Variants in SF3B1 observed in about 807,000 individuals in gnomAD.
The protein encoded by SF3B1 is splicing factor 3b subunit 1.
Under a neutral mutation model 153.8 loss-of-function variants are expected in SF3B1, and 12 were observed. The observed-to-expected ratio is 0.08, with a 90% CI of 0.05 to 0.13. The LOEUF (loss-of-function observed/expected upper bound fraction) is 0.13. Among genes scored for constraint, SF3B1 ranks in the 10% least tolerant of loss-of-function variants. The probability of loss-of-function intolerance (pLI) is 1.00; values close to 1 mark genes in which losing one functional copy is unlikely to be tolerated. For missense variants in SF3B1, 513 were observed against 1,606.1 expected, an observed-to-expected ratio of 0.32 and a Z score of 11.63; for synonymous variants, 498 against 525.2, an observed-to-expected ratio of 0.95 and a Z score of 0.71.
intron 6 of SF3B1, among the ~76,000 whole-genome samples, chr2:197,414,714 A>T (rs1359429882): frequency 6.6e-6 from 1 of 152,212 alleles, no homozygotes; most frequent in Non-Finnish European, 1.5e-5. Flanking sequence ...GCAAGTACAA[A>T]CAACTCATTC....
At chr2:197,410,158 A>C (rs1400023079) in intron 6 of SF3B1, 151 bp from the exon 7 acceptor site, 4 of 563,506 alleles carry the variant, frequency 7.1e-6, no homozygotes, top group Non-Finnish European at 1.2e-5. Flanking sequence ...CTTATAGGAA[A>C]AGATACCTAC....
At chr2:197,399,992 A>G (rs868417854) in intron 20 of SF3B1, 63 bp downstream of exon 20, 4 of 1,027,828 alleles carry the variant, frequency 3.9e-6, no homozygotes, top group Middle Eastern at 2.1e-4. Flanking sequence ...TTTACTTACG[A>G]AAAAAAAAAG....
At chr2:197,392,951 A>T in intron 24 of SF3B1, 21 bp downstream of exon 24, 1 of 1,456,710 alleles carries the variant, frequency 6.9e-7, no homozygotes, top group Non-Finnish European at 9.5e-7. Flanking sequence ...TCACCGATTA[A>T]AAAAAAAATC....
chr2:197,406,867 A>C (rs750749968), intron 9 of SF3B1, among the ~76,000 whole-genome samples: 2 of 152,132 alleles, frequency 1.3e-5, no homozygotes, highest in Non-Finnish European at 2.9e-5. Flanking sequence ...CAATGTGGGT[A>C]CTTTGAGCCT....
In SF3B1 at chr2:197,398,447, G is replaced by A. The variant is rs778494163; in HGVS notation, c.3134+14C>T. The A allele has an allele frequency of 3.1e-6, 5 of 1,611,304 alleles. No individual in the cohort carries two copies. The highest frequency in any genetic ancestry group is 2.7e-5 in the African/African-American group (2 of 74,680). ...TTGATACTGCTTATAAAAATGTGTG[G>A]GTAATCTGCTTACCTGTCAGCAATA... On this transcript the variant is annotated intron_variant, in intron 21 of 24. Coordinates refer to ENST00000335508, the MANE Select transcript of SF3B1 (RefSeq NM_012433.4).
chr2:197,422,345 G>T (rs2106013164), intron 2 of SF3B1, among the ~76,000 whole-genome samples: 2 of 149,222 alleles, frequency 1.3e-5, no homozygotes, highest in South Asian at 4.4e-4. Flanking sequence ...TCCTAGGTGG[G>T]AACTGAACAA....
chr2:197,401,075 A>G lies in SF3B1; in HGVS notation c.2497-139T>C. 1 of 635,758 alleles carries G rather than the reference A, an allele frequency of 1.6e-6. No homozygotes were observed. 39.4% of individuals were successfully genotyped at this position (635,758 alleles called of 1,614,324 possible). A position where few individuals can be genotyped will look rare whatever the true frequency, so the allele number is the denominator to read the frequency against. ...TAAGAATGATTCATTGCTACTTATT[A>G]AAGTTGAAGAGAAAAGTGACCAAAC... On this transcript the variant is annotated intron_variant, in intron 17 of 24. Coordinates refer to ENST00000335508, the MANE Select transcript of SF3B1 (RefSeq NM_012433.4). The surrounding 1 kb of genome is among the most constrained non-coding windows in gnomAD (Gnocchi z 4.2).
intron 1 of SF3B1, among the ~76,000 whole-genome samples, chr2:197,427,170 T>C (rs532732217): frequency 9.2e-5 from 14 of 152,362 alleles, no homozygotes; most frequent in Non-Finnish European, 1.9e-4. Flanking sequence ...TAGGTTCTTA[T>C]TAAAATTTAG....
intron 23 of SF3B1, among the ~76,000 whole-genome samples, chr2:197,395,739 C>G (rs954171152): frequency 3.9e-5 from 6 of 152,202 alleles, no homozygotes; most frequent in African/African-American, 1.4e-4. Flanking sequence ...TTCTGCTCAT[C>G]ATGTCCTCTA....
Position 197,390,329 on chromosome 2 carries a change from T to A in SF3B1, c.*1974A>T, listed in dbSNP as rs563169055. On this transcript the variant is annotated 3_prime_UTR_variant, in exon 25 of 25. Coordinates refer to ENST00000335508, the MANE Select transcript of SF3B1 (RefSeq NM_012433.4). ...ACTTGAATTGAAAATACAACTAAAA[T>A]TTCCTGAGTCATTTAACATCAAATT... 25 of 152,316 alleles carry A rather than the reference T, an allele frequency of 1.6e-4. No individual in the cohort carries two copies. Among genetic ancestry groups the A allele is most frequent in the East Asian group, 5.8e-4 (3 of 5,174 alleles). The allele number at this position is 152,316 out of a possible 1,614,324, so 9.4% of individuals were successfully genotyped here.
At chr2:197,421,417 T>TA (rs1290057168) in intron 2 of SF3B1, among the ~76,000 whole-genome samples, 1 of 152,244 alleles carries the variant, frequency 6.6e-6, no homozygotes, top group Non-Finnish European at 1.5e-5. Flanking sequence ...CCTGTGCATT[T>TA]AATTTTTTCA....
intron 1 of SF3B1, among the ~76,000 whole-genome samples, chr2:197,429,639 C>T (rs1559280725): frequency 6.6e-6 from 1 of 152,104 alleles, no homozygotes; most frequent in Admixed American, 6.6e-5. Flanking sequence ...CAAAAATTAG[C>T]TGGGTGTGAT....
chr2:197,398,805 G>C lies in SF3B1; in HGVS notation c.3014-224C>G, dbSNP rs1383809109. The C allele has an allele frequency of 4.7e-5, 25 of 535,804 alleles. No individual in the cohort carries two copies. The East Asian group carries it at 8.9e-4, about 19-fold the overall frequency. 33.2% of individuals were successfully genotyped at this position (535,804 alleles called of 1,614,324 possible). A position where few individuals can be genotyped will look rare whatever the true frequency, so the allele number is the denominator to read the frequency against. ...AAAGAAATCAGTGAAGTGATTTAAA[G>C]GATGATGGATACTCAATAACAAAAA... On this transcript the variant is annotated intron_variant, in intron 20 of 24. Transcript: ENST00000335508.
At chr2:197,416,714 T>TAA in intron 6 of SF3B1, 27 bp downstream of exon 6, 1 of 1,593,590 alleles carries the variant, frequency 6.3e-7, no homozygotes, top group South Asian at 1.1e-5. Context: ...TTTTTAACAG[T>TAA]AATAACAAAA....
At chr2:197,404,980 G>T in intron 11 of SF3B1, 96 bp downstream of exon 11, 1 of 805,152 alleles carries the variant, frequency 1.2e-6, no homozygotes, top group Non-Finnish European at 1.9e-6. Context: ...ACCAGCCTGG[G>T]CAACATGGCA....
In SF3B1 at chr2:197,400,007, A is replaced by G. The variant is rs565159618; in HGVS notation, c.3013+48T>C. On this transcript the variant is annotated intron_variant, in intron 20 of 24. Coordinates refer to ENST00000335508, the MANE Select transcript of SF3B1 (RefSeq NM_012433.4). The surrounding 1 kb of genome is among the most constrained non-coding windows in gnomAD (Gnocchi z 5.0). Reference sequence around the variant, plus strand: ...TTTACTTACGAAAAAAAAAAGAAAAAGAAAGTTAAAACAAGAAAAAGTCTT... The same window carrying G: ...TTTACTTACGAAAAAAAAAAGAAAAGGAAAGTTAAAACAAGAAAAAGTCTT... 1.6e-6 allele frequency: 2 copies of G among 1,284,514 alleles called. No individual in the cohort carries two copies. The highest frequency in any genetic ancestry group is 2.2e-5 in the Admixed American group (1 of 46,122). The allele number at this position is 1,284,514 out of a possible 1,614,324, so 79.6% of individuals were successfully genotyped here.
chr2:197,405,905 CAT>C (rs887077443), intron 9 of SF3B1, among the ~76,000 whole-genome samples: 2 of 151,986 alleles, frequency 1.3e-5, no homozygotes, highest in East Asian at 1.9e-4. Context: ...TAAAATGTCA[CAT>C]AAATTCTTGC....
In SF3B1 at chr2:197,402,405, C is replaced by T; in HGVS notation, c.2077+151G>A. The T allele has an allele frequency of 4.1e-6, 3 of 730,680 alleles. No individual in the cohort carries two copies. The allele number at this position is 730,680 out of a possible 1,614,324, so 45.3% of individuals were successfully genotyped here. ...GGACAGCTGTCCTATTAAACATGGA[C>T]AGGCTGTGTGTGTACCTCTAGTCCC... On this transcript the variant is annotated intron_variant, in intron 14 of 24. Transcript: ENST00000335508. The surrounding 1 kb of genome is among the most constrained non-coding windows in gnomAD (Gnocchi z 4.6).
Position 197,392,444 on chromosome 2 carries a change from G to A in SF3B1, c.3774C>T (p.Ala1258=). 5.6e-6 allele frequency: 9 copies of A among 1,603,858 alleles called. No individual in the cohort carries two copies. The highest frequency in any genetic ancestry group is 6.8e-6 in the Non-Finnish European group (8 of 1,172,902). The change falls in exon 25 of 25, where the codon GCC becomes GCT. Residue 1258 remains alanine, a synonymous_variant. Transcript: ENST00000335508. ...TCCAATATACATCTCTGACTTTCCG[G>A]GCTGGGTGAAACAGACCCTAAAATA... ...QYCLQGLFHP[A]RKVRDVYWKI... is the part of the protein sequence containing the mutation.
Sources: gnomAD v4.1 joint callset for allele counts (sites outside exome capture counted in the v4.1 genomes callset) on GRCh38, gnomAD v4.1.1 for gene constraint, Gnocchi (gnomAD v3.1) non-coding constraint, MANE v1.5 for transcripts, NCBI Gene and HGNC (gene_info 2026-07-23, HGNC 2026-07-21) for gene names.